The following GPR160 variants were observed in gnomAD, a reference collection of about 807,000 sequenced individuals.
The protein encoded by GPR160 is G protein-coupled receptor 160.
In GPR160, 2 loss-of-function variants were observed where a neutral mutation model predicts 2.6. That is an observed-to-expected ratio of 0.77 (90% confidence interval 0.32 to 2.44). The LOEUF is 2.44. Ranked by LOEUF, GPR160 falls within the 30% of genes most tolerant of loss-of-function variation. The pLI, the probability that GPR160 is intolerant of heterozygous loss-of-function variation, is 0.11. For synonymous variants in GPR160, 130 were observed against 132.2 expected (o/e 0.98, Z 0.12); for missense variants, 351 against 383.6 (o/e 0.91, Z 0.71).
chr3:170,074,048 C>T (rs533315391), intron 2 of GPR160, among the ~76,000 whole-genome samples: 4 of 151,922 alleles, frequency 2.6e-5, no homozygotes, highest in Admixed American at 6.5e-5. Flanking sequence ...CCACCATGCC[C>T]GGCTAATTTT....
intron 2 of GPR160, among the ~76,000 whole-genome samples, chr3:170,058,434 A>T (rs952448797): frequency 3.9e-5 from 6 of 152,234 alleles, no homozygotes; most frequent in Admixed American, 3.9e-4. Context: ...CAGGTCAGCC[A>T]CGTGCCTGGG....
intron 2 of GPR160, among the ~76,000 whole-genome samples, chr3:170,054,780 G>C (rs1200443250): frequency 2.0e-5 from 3 of 150,664 alleles, no homozygotes; most frequent in African/African-American, 7.3e-5. Flanking sequence ...CCTTCAGCAT[G>C]TATCAGAATT....
At chr3:170,064,746 C>T (rs1712221566) in intron 2 of GPR160, among the ~76,000 whole-genome samples, 1 of 152,060 alleles carries the variant, frequency 6.6e-6, no homozygotes, top group Non-Finnish European at 1.5e-5. Context: ...TCTCAAACTC[C>T]TGATCTCGTC....
intron 2 of GPR160, among the ~76,000 whole-genome samples, chr3:170,054,416 C>T (rs1711533205): frequency 1.3e-5 from 2 of 152,198 alleles, no homozygotes; most frequent in African/African-American, 4.8e-5. Flanking sequence ...TCACCACCTT[C>T]TGGCAGAATA....
Position 170,084,590 on chromosome 3 carries a change from T to C in GPR160, c.618T>C (p.Thr206=), listed in dbSNP as rs775728345. 1.9e-6 allele frequency: 3 copies of C among 1,613,474 alleles called. No homozygotes were observed. The highest frequency in any genetic ancestry group is 2.5e-6 in the Non-Finnish European group (3 of 1,179,388). ...AFITCWEEVT[T]LVQAIRITSY... ...TAACCTGTTGGGAAGAAGTTACTAC[T>C]TTGGTACAGGCTATCAGGATAACTT... Residue 206 remains threonine, a synonymous_variant, in exon 4 of 4, where the codon ACT becomes ACC. Transcript: ENST00000355897.
At chr3:170,064,062 C>T (rs1207771155) in intron 2 of GPR160, among the ~76,000 whole-genome samples, 1 of 152,094 alleles carries the variant, frequency 6.6e-6, no homozygotes, top group Admixed American at 6.5e-5. Context: ...CTTACATGTA[C>T]ATAGGTCTTG....
intron 2 of GPR160, among the ~76,000 whole-genome samples, chr3:170,078,445 C>T (rs1712972638): frequency 6.6e-6 from 1 of 152,112 alleles, no homozygotes; most frequent in African/African-American, 2.4e-5. Flanking sequence ...CTTAAGCAAG[C>T]GGCATTAGAA....
At chr3:170,053,267 C>T (rs1717037121) in intron 2 of GPR160, among the ~76,000 whole-genome samples, 1 of 152,124 alleles carries the variant, frequency 6.6e-6, no homozygotes, top group Admixed American at 6.5e-5. Flanking sequence ...TATCCATGAA[C>T]ATGGCATATC....
chr3:170,064,220 G>A (rs1471321541), intron 2 of GPR160, among the ~76,000 whole-genome samples: 5 of 152,094 alleles, frequency 3.3e-5, no homozygotes, highest in Admixed American at 3.3e-4. Context: ...AGTTTTCCCC[G>A]CGTCCTGCTG....
At chr3:170,040,550 G>C (rs1338027934) in intron 2 of GPR160, among the ~76,000 whole-genome samples, 1 of 152,180 alleles carries the variant, frequency 6.6e-6, no homozygotes. Flanking sequence ...TTTACACAAA[G>C]GGCATTAGCA....
chr3:170,059,505 T>C (rs144448083), intron 2 of GPR160, among the ~76,000 whole-genome samples: 49 of 152,342 alleles, frequency 3.2e-4, no homozygotes, highest in African/African-American at 1.1e-3. Flanking sequence ...GTATTGTAGT[T>C]TGAACAAATG....
At chr3:170,063,597 A>C (rs986927487) in intron 2 of GPR160, among the ~76,000 whole-genome samples, 1 of 148,762 alleles carries the variant, frequency 6.7e-6, no homozygotes, top group African/African-American at 2.5e-5. Context: ...ATTAGAGCCA[A>C]ACGTGAACTA....
chr3:170,047,907 G>A (rs944741138), intron 2 of GPR160, among the ~76,000 whole-genome samples: 8 of 146,058 alleles, frequency 5.5e-5, no homozygotes, highest in South Asian at 4.2e-4. Context: ...GCCCAATGTC[G>A]GCTCACTGCA....
chr3:170,085,090 C>T lies in GPR160; in HGVS notation c.*101C>T, dbSNP rs913095673. 5.6e-5 allele frequency: 30 copies of T among 537,712 alleles called. 1 individual carries two copies. The highest frequency in any genetic ancestry group is 5.1e-4 in the Middle Eastern group (1 of 1,952). The allele number at this position is 537,712 out of a possible 1,614,324, so 33.3% of individuals were successfully genotyped here. On this transcript the variant is annotated 3_prime_UTR_variant, in exon 4 of 4. Transcript: ENST00000355897. ...ATAAACTGAACTAAAACAACTTTTG[C>T]CCCCTGACTGATAGCATTTCAGAAT... is the stretch of plus-strand genomic sequence containing the variant.
At chr3:170,048,199 G>T (rs1471159318) in intron 2 of GPR160, among the ~76,000 whole-genome samples, 1 of 152,200 alleles carries the variant, frequency 6.6e-6, no homozygotes, top group Non-Finnish European at 1.5e-5. Context: ...TTGTAAGTAA[G>T]TGGAAGCTAA....
intron 2 of GPR160, among the ~76,000 whole-genome samples, chr3:170,057,029 A>G (rs1382496767): frequency 6.6e-6 from 1 of 152,216 alleles, no homozygotes; most frequent in African/African-American, 2.4e-5. Context: ...CTATGTAAAG[A>G]GGGTCTTACA....
intron 3 of GPR160, chr3:170,083,668 T>A (rs915714900): frequency 4.8e-6 from 1 of 208,484 alleles, no homozygotes; most frequent in African/African-American, 2.3e-5. Flanking sequence ...TAGTAATTTA[T>A]ATATAACATT....
chr3:170,041,373 C>G (rs901346630), intron 2 of GPR160, among the ~76,000 whole-genome samples: 21 of 145,888 alleles, frequency 1.4e-4, no homozygotes, highest in Admixed American at 5.0e-4. Context: ...GTGATCTCGG[C>G]TCACTGCAAG....
intron 2 of GPR160, among the ~76,000 whole-genome samples, chr3:170,071,087 C>T (rs1015330598): frequency 2.6e-5 from 3 of 115,522 alleles, no homozygotes; most frequent in Non-Finnish European, 5.3e-5. Context: ...TTGTGAATCC[C>T]ATATAATTGA....
Sources: allele counts gnomAD v4.1 joint callset (sites outside exome capture counted in the v4.1 genomes callset), GRCh38; gene constraint gnomAD v4.1.1; transcripts MANE v1.5; gene names NCBI Gene and HGNC (gene_info 2026-07-23, HGNC 2026-07-21).